The following EML5 variants were observed in gnomAD, a reference collection of about 807,000 sequenced individuals.
EML5 encodes EMAP like 5.
In EML5, 120 loss-of-function variants were observed where a neutral mutation model predicts 250.0. The ratio of observed to expected loss-of-function variants is 0.48; its 90% confidence interval spans 0.41 to 0.56. EML5 has a LOEUF of 0.56. EML5 is among the 20% of genes least tolerant of loss of function. The pLI is 0.00. For missense variants in EML5, 2,006 were observed against 2,437.6 expected, an observed-to-expected ratio of 0.82 and a Z score of 3.73; for synonymous variants, 771 against 806.5, an observed-to-expected ratio of 0.96 and a Z score of 0.75.
rs565359955 is a variant in EML5 at position 88,682,139 on chromosome 14, T to A, written c.2983-108A>T. 46 of 1,153,494 alleles carry A rather than the reference T, an allele frequency of 4.0e-5. No individual in the cohort carries two copies. In the African/African-American group the frequency reaches 6.5e-4, roughly 16 times the overall value. The allele number at this position is 1,153,494 out of a possible 1,614,324, so 71.5% of individuals were successfully genotyped here. A position where few individuals can be genotyped will look rare whatever the true frequency, so the allele number is the denominator to read the frequency against. Reference sequence around the variant, plus strand: ...CATTCAATAATATATGATAATAGGATACCGAATAGTGAGTAAATCTATCAA... The same window carrying A: ...CATTCAATAATATATGATAATAGGAAACCGAATAGTGAGTAAATCTATCAA... On this transcript the variant is annotated intron_variant, in intron 20 of 43. Transcript: ENST00000554922.
intron 31 of EML5, among the ~76,000 whole-genome samples, chr14:88,640,992 A>C (rs2140616595): frequency 6.6e-6 from 1 of 152,104 alleles, no homozygotes; most frequent in Non-Finnish European, 1.5e-5. Context: ...TAAAAAAAGA[A>C]GAAGAAGAAG....
In EML5 at chr14:88,715,141, T is replaced by C. The variant is rs771882987; in HGVS notation, c.1242A>G (p.Leu414=). 5.6e-6 allele frequency: 9 copies of C among 1,610,784 alleles called. No individual in the cohort carries two copies. Among genetic ancestry groups the C allele is most frequent in the Non-Finnish European group, 7.6e-6 (9 of 1,178,284 alleles). ...IKDRKEAIHE[L]KYSPDGTYLA... is the part of the protein sequence containing the mutation. ...GGTAAGTTCCATCTGGTGAATATTTTAACTCATGAATTGCCTCCTTCCTAT... is the reference window on the plus strand; with the variant it reads ...GGTAAGTTCCATCTGGTGAATATTTCAACTCATGAATTGCCTCCTTCCTAT... Residue 414 remains leucine (L), a synonymous_variant, in exon 9 of 44, where the codon TTA becomes TTG. Transcript: ENST00000554922.
intron 9 of EML5, 127 bp from the exon 10 acceptor site, chr14:88,712,610 C>T (rs1012812160): frequency 1.5e-6 from 1 of 648,028 alleles, no homozygotes; most frequent in Middle Eastern, 4.4e-4. Context: ...GAGGAAAATA[C>T]ATAAATAGGT....
intron 3 of EML5, among the ~76,000 whole-genome samples, chr14:88,744,823 T>G (rs1340984141): frequency 6.6e-6 from 1 of 152,108 alleles, no homozygotes; most frequent in Non-Finnish European, 1.5e-5. Context: ...CTAAAAGGTT[T>G]ACATTTTTGG....
Position 88,740,386 on chromosome 14 carries a change from C to T in EML5, c.711+1G>A. ...TGTTTAAAATACTTAAATGTACTTACAGCATGGGCTCCTTGTATTGTTCGT... is the reference window on the plus strand; with the variant it reads ...TGTTTAAAATACTTAAATGTACTTATAGCATGGGCTCCTTGTATTGTTCGT... On this transcript the variant is annotated splice_donor_variant, in intron 5 of 43. Transcript: ENST00000554922. LOFTEE classifies it high-confidence loss of function. 2.5e-6 allele frequency: 4 copies of T among 1,604,400 alleles called. No homozygotes were observed. Among genetic ancestry groups the T allele is most frequent in the Non-Finnish European group, 3.4e-6 (4 of 1,175,712 alleles).
chr14:88,734,993 A>T (rs1274230927), intron 7 of EML5, among the ~76,000 whole-genome samples: 2 of 152,182 alleles, frequency 1.3e-5, no homozygotes, highest in African/African-American at 4.8e-5. Context: ...TACTAGCTAG[A>T]TACAGAACAC....
At chr14:88,745,028 A>G (rs533800456) in intron 3 of EML5, among the ~76,000 whole-genome samples, 2 of 152,170 alleles carry the variant, frequency 1.3e-5, no homozygotes, top group Non-Finnish European at 2.9e-5. Flanking sequence ...CTCCATTGAC[A>G]GTGTCATATT....
intron 32 of EML5, among the ~76,000 whole-genome samples, chr14:88,637,737 A>C (rs1490702464): frequency 1.3e-5 from 2 of 152,170 alleles, no homozygotes; most frequent in Admixed American, 1.3e-4. Context: ...CTTAGGTAAC[A>C]TAGTTTCTTC....
intron 43 of EML5, 113 bp downstream of exon 43, chr14:88,616,029 C>T: frequency 1.5e-6 from 2 of 1,310,194 alleles, no homozygotes; most frequent in South Asian, 1.3e-5. Context: ...GTTATACTAC[C>T]TTCTACTAAT....
chr14:88,675,458 G>C (rs536172119), intron 21 of EML5, among the ~76,000 whole-genome samples: 30 of 152,324 alleles, frequency 2.0e-4, no homozygotes, highest in African/African-American at 7.0e-4. Flanking sequence ...TTTTAGCTAT[G>C]GATGGAGCTG....
At chr14:88,727,128 T>C (rs768980492) in intron 7 of EML5, among the ~76,000 whole-genome samples, 7 of 152,316 alleles carry the variant, frequency 4.6e-5, no homozygotes, top group Non-Finnish European at 8.8e-5. Flanking sequence ...TGCCATCTAA[T>C]TGAATAACAG....
At chr14:88,677,090 A>C (rs1400032516) in intron 21 of EML5, among the ~76,000 whole-genome samples, 1 of 152,036 alleles carries the variant, frequency 6.6e-6, no homozygotes, top group African/African-American at 2.4e-5. Context: ...TTTTTAGTAG[A>C]TACAGGGTCT....
At chr14:88,697,567 G>A (rs919435826) in intron 14 of EML5, among the ~76,000 whole-genome samples, 1 of 152,126 alleles carries the variant, frequency 6.6e-6, no homozygotes, top group African/African-American at 2.4e-5. Context: ...GGTTTATGAT[G>A]TTCACTAATG....
intron 14 of EML5, among the ~76,000 whole-genome samples, chr14:88,700,808 C>G (rs2093192312): frequency 6.6e-6 from 1 of 152,152 alleles, no homozygotes; most frequent in South Asian, 2.1e-4. Context: ...TACAACTGTG[C>G]ATCCAAGACC....
At chr14:88,662,967 G>T in intron 24 of EML5, 64 bp downstream of exon 24, 1 of 1,163,408 alleles carries the variant, frequency 8.6e-7, no homozygotes, top group Non-Finnish European at 1.2e-6. Flanking sequence ...ATAGAAAGTA[G>T]GTATCAGTTT....
chr14:88,656,599 C>G (rs2091881664), intron 27 of EML5, among the ~76,000 whole-genome samples: 1 of 151,922 alleles, frequency 6.6e-6, no homozygotes, highest in South Asian at 2.1e-4. Context: ...ACATGTATCC[C>G]AGAACTTAAA....
chr14:88,616,341 G>GAGT, intron 42 of EML5, 99 bp from the exon 43 acceptor site: 2 of 1,183,350 alleles, frequency 1.7e-6, no homozygotes, highest in Non-Finnish European at 2.5e-6. Flanking sequence ...GCTGTGGAGA[G>GAGT]AGTAGGGAGT....
rs1297872 is a variant in EML5, at chr14:88,663,908, C to A, written c.3409+585G>T. Among the ~76,000 whole-genome samples the A allele has an allele frequency of 7.3e-4, 111 of 152,010 alleles. 1 individual carries two copies. The East Asian group carries it at 0.016, about 21-fold the overall frequency. Reference sequence around the variant, plus strand: ...ACATCTTCACAACAATTTTTTTGCACAATATTTAAATCACTTTACAAATTA... The same window carrying A: ...ACATCTTCACAACAATTTTTTTGCAAAATATTTAAATCACTTTACAAATTA... On this transcript the variant is annotated intron_variant, in intron 23 of 43. Coordinates refer to ENST00000554922, the MANE Select transcript of EML5 (RefSeq NM_183387.3).
At chr14:88,664,855 G>A (rs184523370) in intron 22 of EML5, among the ~76,000 whole-genome samples, 1 of 152,156 alleles carries the variant, frequency 6.6e-6, no homozygotes, top group African/African-American at 2.4e-5. Context: ...AATGTCAAAA[G>A]CTATGTATGA....
Sources: allele counts gnomAD v4.1 joint callset (sites outside exome capture counted in the v4.1 genomes callset), GRCh38; gene constraint gnomAD v4.1.1; transcripts MANE v1.5; gene names NCBI Gene and HGNC (gene_info 2026-07-23, HGNC 2026-07-21).